Variants in SH3PXD2B observed in about 807,000 individuals in gnomAD.
SH3PXD2B encodes SH3 and PX domain-containing protein 2B.
A neutral mutation model predicts 73.1 loss-of-function variants in SH3PXD2B; 37 were observed. The observed-to-expected ratio is 0.51, with a 90% CI of 0.39 to 0.67. SH3PXD2B has a LOEUF of 0.67. SH3PXD2B is among the 30% of genes least tolerant of loss of function. The pLI, the probability that SH3PXD2B is intolerant of heterozygous loss-of-function variation, is 0.00. For missense variants in SH3PXD2B, 1,053 were observed against 1,197.8 expected (o/e 0.88, Z 1.78); for synonymous variants, 457 against 480.5 (o/e 0.95, Z 0.64).
intron 1 of SH3PXD2B, among the ~76,000 whole-genome samples, chr5:172,448,282 G>A (rs1759719048): frequency 6.6e-6 from 1 of 152,192 alleles, no homozygotes; most frequent in Non-Finnish European, 1.5e-5. Context: ...GCCGGAAAGC[G>A]GTGCAGAAAT....
Position 172,333,667 on chromosome 5 carries a change from A to C in SH3PXD2B, c.*4702T>G. 2 of 1,289,300 alleles carry C rather than the reference A, an allele frequency of 1.6e-6. No homozygotes were observed. The highest frequency in any genetic ancestry group is 2.0e-6 in the Non-Finnish European group (2 of 988,862). The allele number at this position is 1,289,300 out of a possible 1,614,324, so 79.9% of individuals were successfully genotyped here. A position where few individuals can be genotyped will look rare whatever the true frequency, so the allele number is the denominator to read the frequency against. On this transcript the variant is annotated 3_prime_UTR_variant, in exon 13 of 13. Coordinates refer to ENST00000311601, the MANE Select transcript of SH3PXD2B (RefSeq NM_001017995.3). ...ATTTAATGTGTTAAAGGAAACAAAAACCACCACCGGAATGCCAATTTGCCA... is the reference window on the plus strand; with the variant it reads ...ATTTAATGTGTTAAAGGAAACAAAACCCACCACCGGAATGCCAATTTGCCA...
chr5:172,359,438 T>A (rs973114032), intron 7 of SH3PXD2B, among the ~76,000 whole-genome samples: 1 of 148,588 alleles, frequency 6.7e-6, no homozygotes, highest in African/African-American at 2.5e-5. Flanking sequence ...CACTAAGATG[T>A]GTGATGCACC....
intron 8 of SH3PXD2B, among the ~76,000 whole-genome samples, chr5:172,354,274 A>G (rs980698439): frequency 2.6e-5 from 4 of 152,024 alleles, no homozygotes; most frequent in Admixed American, 2.6e-4. Context: ...ACCTTCCTTG[A>G]CCACCTTATA....
At chr5:172,418,894 G>A (rs1758886555) in intron 2 of SH3PXD2B, among the ~76,000 whole-genome samples, 1 of 152,176 alleles carries the variant, frequency 6.6e-6, no homozygotes, top group Admixed American at 6.5e-5. Context: ...GAACAGGAGA[G>A]TGGAAGGAAC....
In SH3PXD2B at chr5:172,368,482, A is replaced by AT. The variant is rs70982394; in HGVS notation, c.427+5307_427+5308insA. On this transcript the variant is annotated intron_variant, in intron 6 of 12. Coordinates refer to ENST00000311601, the MANE Select transcript of SH3PXD2B (RefSeq NM_001017995.3). ...ATATATATATATTATATATATATAT[A>AT]AAATATATATATATTATATATATAT... Among the ~76,000 whole-genome samples the AT allele has an allele frequency of 6.0e-3, 100 of 16,722 alleles. 17 individuals carry two copies. Among genetic ancestry groups the AT allele is most frequent in the African/African-American group, 0.019 (62 of 3,302 alleles). The allele number at this position is 16,722 out of a possible 152,430, so 11.0% of individuals were successfully genotyped here.
chr5:172,415,986 C>G (rs1758809353), intron 2 of SH3PXD2B, among the ~76,000 whole-genome samples: 1 of 152,200 alleles, frequency 6.6e-6, no homozygotes. Flanking sequence ...TCAGGCCCTT[C>G]TAAGGTAAGC....
At chr5:172,427,612 A>C (rs1179363994) in intron 1 of SH3PXD2B, among the ~76,000 whole-genome samples, 1 of 152,010 alleles carries the variant, frequency 6.6e-6, no homozygotes, top group Non-Finnish European at 1.5e-5. Flanking sequence ...CAGTATCTCA[A>C]AGTATTGGGA....
chr5:172,445,186 C>G lies in SH3PXD2B; in HGVS notation c.75+9092G>C, dbSNP rs1581346149. ...AAGCCCAGGGCACCTGTCTGCCTGT[C>G]AGGACACTGACCTTCTTGAGGTCTC... On this transcript the variant is annotated intron_variant, in intron 1 of 12. Transcript: ENST00000311601. This position sits in a 1 kb window ranked among gnomAD's most constrained non-coding sequence, Gnocchi z 5.2. Among the ~76,000 whole-genome samples the G allele has an allele frequency of 6.6e-6, 1 of 152,344 alleles. No homozygotes were observed. Among genetic ancestry groups the G allele is most frequent in the Non-Finnish European group, 1.5e-5 (1 of 68,028 alleles).
intron 3 of SH3PXD2B, among the ~76,000 whole-genome samples, chr5:172,403,446 G>T (rs1758479601): frequency 6.6e-6 from 1 of 152,144 alleles, no homozygotes; most frequent in Admixed American, 6.5e-5. Context: ...AAGCTAAGAG[G>T]TGGCTCAGAA....
intron 6 of SH3PXD2B, among the ~76,000 whole-genome samples, chr5:172,373,472 G>C (rs77564823): frequency 0.011 from 1,654 of 152,340 alleles, 23 homozygotes; most frequent in African/African-American, 0.037. Context: ...GGCATTCTCT[G>C]AGAAAGACTC....
At chr5:172,379,313 TAAAAAAA>T (rs11346663) in intron 5 of SH3PXD2B, among the ~76,000 whole-genome samples, 2 of 112,860 alleles carry the variant, frequency 1.8e-5, no homozygotes. Context: ...TACAAAAAAT[TAAAAAAA>T]AAAAAAAAAA....
chr5:172,396,563 G>A (rs1243899592), intron 3 of SH3PXD2B, among the ~76,000 whole-genome samples: 1 of 150,906 alleles, frequency 6.6e-6, no homozygotes, highest in Non-Finnish European at 1.5e-5. Flanking sequence ...GGTGCAAAAG[G>A]ACACTATTTG....
At chr5:172,413,627 C>T (rs1758752888) in intron 2 of SH3PXD2B, among the ~76,000 whole-genome samples, 1 of 152,186 alleles carries the variant, frequency 6.6e-6, no homozygotes, top group Non-Finnish European at 1.5e-5. Context: ...AATTACATAC[C>T]AGGTGGCAGC....
intron 1 of SH3PXD2B, 114 bp from the exon 2 acceptor site, chr5:172,422,610 C>T: frequency 1.0e-6 from 1 of 959,526 alleles, no homozygotes; most frequent in Non-Finnish European, 1.6e-6. Flanking sequence ...TCAGCCTTAG[C>T]TCTGCCAATG....
chr5:172,409,671 A>G (rs1758645352), intron 2 of SH3PXD2B, among the ~76,000 whole-genome samples: 1 of 152,092 alleles, frequency 6.6e-6, no homozygotes, highest in East Asian at 1.9e-4. Context: ...ATGGCTGAAT[A>G]GTATTCAATT....
At chr5:172,340,472 G>A (rs1292753231) in intron 12 of SH3PXD2B, among the ~76,000 whole-genome samples, 3 of 152,180 alleles carry the variant, frequency 2.0e-5, no homozygotes, top group East Asian at 1.9e-4. Context: ...CAGAGGCACC[G>A]GCAGCGTCTG....
At chr5:172,432,422 G>A (rs1759269180) in intron 1 of SH3PXD2B, among the ~76,000 whole-genome samples, 1 of 152,150 alleles carries the variant, frequency 6.6e-6, no homozygotes. Flanking sequence ...AAGGATTCTT[G>A]TTAAGAGTAT....
At chr5:172,375,407 C>A (rs1757801530) in intron 5 of SH3PXD2B, among the ~76,000 whole-genome samples, 1 of 152,036 alleles carries the variant, frequency 6.6e-6, no homozygotes, top group Admixed American at 6.6e-5. Flanking sequence ...TTAAGGTATA[C>A]AATTTACTGG....
chr5:172,340,404 C>G (rs1357235353), intron 12 of SH3PXD2B, among the ~76,000 whole-genome samples: 1 of 152,178 alleles, frequency 6.6e-6, no homozygotes, highest in African/African-American at 2.4e-5. Context: ...CTCTCCCCTT[C>G]TGGGAAGCTG....
Sources: gnomAD v4.1 joint callset for allele counts (sites outside exome capture counted in the v4.1 genomes callset) on GRCh38, gnomAD v4.1.1 for gene constraint, Gnocchi (gnomAD v3.1) non-coding constraint, MANE v1.5 for transcripts, NCBI Gene and HGNC (gene_info 2026-07-23, HGNC 2026-07-21) for gene names.